Variants in FOXP4 observed in about 807,000 individuals in gnomAD.
FOXP4 encodes the protein forkhead box protein P4.
In FOXP4, 25 loss-of-function variants were observed where a neutral mutation model predicts 82.6. That is an observed-to-expected ratio of 0.30 (90% confidence interval 0.22 to 0.42). The LOEUF (loss-of-function observed/expected upper bound fraction) is 0.42. Among genes scored for constraint, FOXP4 ranks in the 10% least tolerant of loss-of-function variants. FOXP4 has a pLI of 1.00. For synonymous variants in FOXP4, 415 were observed against 388.2 expected, an observed-to-expected ratio of 1.07 and a Z score of -0.81; for missense variants, 785 against 900.9, an observed-to-expected ratio of 0.87 and a Z score of 1.65.
intron 2 of FOXP4, among the ~76,000 whole-genome samples, chr6:41,573,324 A>G (rs1325685167): frequency 6.6e-6 from 1 of 152,080 alleles, no homozygotes; most frequent in Non-Finnish European, 1.5e-5. Context: ...GAGACCCCAT[A>G]GCACCGAGAC....
intron 1 of FOXP4, among the ~76,000 whole-genome samples, chr6:41,555,646 A>G (rs374103672): frequency 1.4e-3 from 219 of 152,304 alleles, no homozygotes; most frequent in African/African-American, 5.1e-3. Context: ...CAGGCCCCCC[A>G]CATAAGACGT....
chr6:41,569,662 G>C (rs182416456), intron 2 of FOXP4, among the ~76,000 whole-genome samples: 352 of 152,304 alleles, frequency 2.3e-3, no homozygotes, highest in African/African-American at 8.1e-3. Flanking sequence ...AGGCAGAGCC[G>C]CTGGCGGCGG....
chr6:41,595,051 C>T (rs1191344269), intron 14 of FOXP4, 60 bp downstream of exon 14: 1 of 1,606,682 alleles, frequency 6.2e-7, no homozygotes, highest in Non-Finnish European at 8.5e-7. Flanking sequence ...CCAACTCACC[C>T]CCACCCCCTA....
At chr6:41,576,275 A>G (rs547645060) in intron 2 of FOXP4, among the ~76,000 whole-genome samples, 1 of 152,264 alleles carries the variant, frequency 6.6e-6, no homozygotes, top group South Asian at 2.1e-4. Context: ...CCTTCCCGTC[A>G]ATAGGCCAGT....
At chr6:41,552,569 A>G (rs1482585036) in intron 1 of FOXP4, among the ~76,000 whole-genome samples, 1 of 152,050 alleles carries the variant, frequency 6.6e-6, no homozygotes, top group Non-Finnish European at 1.5e-5. Flanking sequence ...TCCCTCAGTG[A>G]GTTTTTACCT....
chr6:41,598,025 T>A, intron 16 of FOXP4, 75 bp downstream of exon 16: 6 of 1,105,292 alleles, frequency 5.4e-6, no homozygotes, highest in Non-Finnish European at 6.9e-6. Flanking sequence ...TCCCCCACCC[T>A]GGGTGGGGTT....
At chr6:41,598,631 G>A (rs1007360591) in intron 16 of FOXP4, 158 bp from the exon 17 acceptor site, 1 of 1,027,858 alleles carries the variant, frequency 9.7e-7, no homozygotes, top group African/African-American at 1.6e-5. Context: ...TCTTTGAAGA[G>A]AGCCCTAGGG....
chr6:41,572,021 CTG>C (rs956280726), intron 2 of FOXP4, among the ~76,000 whole-genome samples: 1 of 152,180 alleles, frequency 6.6e-6, no homozygotes, highest in African/African-American at 2.4e-5. Context: ...CCCCGAAAGA[CTG>C]TATCACTTCC....
chr6:41,560,618 C>T (rs1764519996), intron 1 of FOXP4, among the ~76,000 whole-genome samples: 1 of 152,206 alleles, frequency 6.6e-6, no homozygotes, highest in Non-Finnish European at 1.5e-5. Flanking sequence ...GGGTAAACTC[C>T]GGGCATCCAT....
intron 2 of FOXP4, among the ~76,000 whole-genome samples, chr6:41,572,796 C>T (rs559549679): frequency 4.6e-5 from 7 of 152,260 alleles, no homozygotes; most frequent in African/African-American, 2.4e-5. Context: ...GCCCAGCCAG[C>T]GCTTGGTTTC....
intron 3 of FOXP4, among the ~76,000 whole-genome samples, chr6:41,583,715 A>G (rs1765934153): frequency 6.6e-6 from 1 of 152,208 alleles, no homozygotes. Flanking sequence ...CTGTCCTGCT[A>G]ATACAGGAAC....
At chr6:41,556,968 C>T (rs889095900) in intron 1 of FOXP4, among the ~76,000 whole-genome samples, 4 of 152,146 alleles carry the variant, frequency 2.6e-5, no homozygotes, top group Non-Finnish European at 4.4e-5. Context: ...CAGATGATTC[C>T]GATGTTCAGA....
At chr6:41,562,084 T>G (rs893097173) in intron 1 of FOXP4, among the ~76,000 whole-genome samples, 7 of 152,244 alleles carry the variant, frequency 4.6e-5, no homozygotes, top group Non-Finnish European at 1.0e-4. Flanking sequence ...AGCACACCGG[T>G]GCTGTCGCGG....
intron 1 of FOXP4, among the ~76,000 whole-genome samples, chr6:41,559,578 T>G (rs1764455360): frequency 6.6e-6 from 1 of 152,238 alleles, no homozygotes; most frequent in African/African-American, 2.4e-5. Flanking sequence ...GTCCTTTACC[T>G]GCAGCTCTCA....
At chr6:41,580,523 G>T (rs987745646) in intron 3 of FOXP4, among the ~76,000 whole-genome samples, 1 of 152,214 alleles carries the variant, frequency 6.6e-6, no homozygotes, top group African/African-American at 2.4e-5. Flanking sequence ...TGGGGCCATG[G>T]AGCCATGCTT....
At chr6:41,585,846 C>T (rs1239867484) in intron 5 of FOXP4, among the ~76,000 whole-genome samples, 1 of 152,024 alleles carries the variant, frequency 6.6e-6, no homozygotes, top group African/African-American at 2.4e-5. Context: ...CTTCCTGCCC[C>T]CTTGTCTCTT....
chr6:41,589,725 C>T, intron 9 of FOXP4, 46 bp from the exon 10 acceptor site: 4 of 1,587,836 alleles, frequency 2.5e-6, no homozygotes, highest in Non-Finnish European at 3.4e-6. Flanking sequence ...ACACTGCCTC[C>T]AGGGTTCAGC....
At chr6:41,548,823 CCTTTTT>C (rs796876557) in intron 1 of FOXP4, among the ~76,000 whole-genome samples, 2,012 of 109,164 alleles carry the variant, frequency 0.018, 50 homozygotes, top group African/African-American at 0.061. Context: ...AGTCTGAAGG[CCTTTTT>C]TTTTTTTTTT....
intron 2 of FOXP4, among the ~76,000 whole-genome samples, chr6:41,568,508 A>G (rs114299311): frequency 0.04 from 6,041 of 152,336 alleles, 172 homozygotes; most frequent in Non-Finnish European, 0.062. Flanking sequence ...AGTGGATGCT[A>G]AGGAAATGTC....
Sources: allele counts gnomAD v4.1 joint callset (sites outside exome capture counted in the v4.1 genomes callset), GRCh38; gene constraint gnomAD v4.1.1; transcripts MANE v1.5; gene names NCBI Gene and HGNC (gene_info 2026-07-23, HGNC 2026-07-21).